Variants in PBRM1 observed in about 807,000 individuals in gnomAD.
The protein encoded by PBRM1 is protein polybromo-1.
PBRM1 carries 27 observed loss-of-function variants against 194.5 expected under a neutral mutation model. That is an observed-to-expected ratio of 0.14 (90% CI 0.10 to 0.19). The LOEUF is 0.19. Ranked by LOEUF, PBRM1 falls within the 10% of genes least tolerant of loss-of-function variation. The pLI is 1.00. For synonymous variants in PBRM1, 655 were observed against 693.2 expected (o/e 0.94, Z 0.87); for missense variants, 1,466 against 2,077.2 (o/e 0.71, Z 5.72).
intron 10 of PBRM1, among the ~76,000 whole-genome samples, chr3:52,638,112 A>G (rs1029064070): frequency 1.3e-5 from 2 of 152,122 alleles, no homozygotes; most frequent in Non-Finnish European, 2.9e-5. Context: ...TGTGGTAAAG[A>G]TTACTTTTAT....
exon 1 of PBRM1, chr3:52,685,830 T>C: frequency 2.1e-6 from 1 of 465,140 alleles, no homozygotes; most frequent in Middle Eastern, 5.8e-4. Context: ...CTGCTGCTAT[T>C]GCTCCTCCGG....
rs1185344323 is a variant in PBRM1 at position 52,582,946 on chromosome 3, A to G, written c.3387+3479T>C. 4.6e-5 allele frequency among the ~76,000 whole-genome samples: 7 copies of G among 150,994 alleles called. No homozygotes were observed. The East Asian group carries it at 1.4e-3, about 30-fold the overall frequency. On this transcript the variant is annotated intron_variant, in intron 20 of 29. Coordinates refer to ENST00000296302, the Ensembl canonical transcript of PBRM1. ...CCCCGTCTCTACTAAAAATACAAAA[A>G]ATTAGACGGGCGTGGTGGTGAGCGC...
intron 5 of PBRM1, among the ~76,000 whole-genome samples, chr3:52,656,682 T>TA (rs1160394301): frequency 6.6e-6 from 1 of 152,082 alleles, no homozygotes; most frequent in Non-Finnish European, 1.5e-5. Flanking sequence ...AATAAATAAA[T>TA]AAAAAAGATT....
intron 20 of PBRM1, among the ~76,000 whole-genome samples, chr3:52,581,387 G>C (rs900951339): frequency 1.3e-5 from 2 of 151,898 alleles, no homozygotes; most frequent in Admixed American, 6.6e-5. Flanking sequence ...GTGCGCGCCT[G>C]TAGTCCCAGG....
downstream of PBRM1, chr3:52,547,970 C>G (rs1410769421): frequency 2.9e-6 from 3 of 1,027,844 alleles, no homozygotes; most frequent in Admixed American, 7.6e-5. Context: ...AAAAATTATC[C>G]TCCTTTGTTC....
upstream of PBRM1, among the ~76,000 whole-genome samples, chr3:52,684,695 T>C (rs1422441371): frequency 1.3e-5 from 2 of 152,228 alleles, no homozygotes; most frequent in Non-Finnish European, 2.9e-5. Context: ...GATGACTTGA[T>C]AGTAATCTAT....
At position 52,674,063 on chromosome 3, in the gene PBRM1, T is replaced by C. The variant is rs376626196; in HGVS notation, c.236+4437A>G. Among the ~76,000 whole-genome samples, 14 of 150,782 alleles carry C rather than the reference T, an allele frequency of 9.3e-5. No individual in the cohort carries two copies. In the East Asian group the frequency reaches 2.5e-3, roughly 27 times the overall value. On this transcript the variant is annotated intron_variant, in intron 2 of 29. Coordinates refer to ENST00000296302, the Ensembl canonical transcript of PBRM1. ...AAGACACTGTCTCAAAAAAAAAATA[T>C]ATATATAGATATATATATAGAATGC...
At position 52,603,736 on chromosome 3, in the gene PBRM1, T is replaced by A. The variant is rs772644862; in HGVS notation, c.2568-4A>T. The A allele has an allele frequency of 6.2e-7, 1 of 1,602,002 alleles. No homozygotes were observed. Among genetic ancestry groups the A allele is most frequent in the Non-Finnish European group, 8.5e-7 (1 of 1,172,966 alleles). On this transcript the variant is annotated splice_region_variant and splice_polypyrimidine_tract_variant and intron_variant, in intron 16 of 29. Transcript: ENST00000296302. ...TTCATATATTTCTGAATCTGTCCTA[T>A]AACAGCATCAAGAGTATCCATTGAC... is the stretch of plus-strand genomic sequence containing the variant.
At chr3:52,642,624 A>C (rs1384664006) in intron 9 of PBRM1, among the ~76,000 whole-genome samples, 3 of 151,486 alleles carry the variant, frequency 2.0e-5, no homozygotes, top group Non-Finnish European at 4.4e-5. Context: ...AAAAAAAAAA[A>C]AAAACCAAAA....
At chr3:52,587,436 C>G (rs1469145695) in exon 19 of PBRM1, 1 of 1,611,262 alleles carries the variant, frequency 6.2e-7, no homozygotes, top group Admixed American at 1.7e-5. Flanking sequence ...ACTTCTTTTT[C>G]TAGAAATTTT....
At chr3:52,634,085 T>A (rs1398987609) in intron 11 of PBRM1, among the ~76,000 whole-genome samples, 1 of 152,158 alleles carries the variant, frequency 6.6e-6, no homozygotes, top group African/African-American at 2.4e-5. Context: ...CTGTCATAAT[T>A]AAAATATTAA....
chr3:52,578,507 C>T (rs1439837312), intron 21 of PBRM1, among the ~76,000 whole-genome samples: 2 of 152,194 alleles, frequency 1.3e-5, no homozygotes, highest in African/African-American at 2.4e-5. Flanking sequence ...CTATCCTCTC[C>T]TACCCAACCC....
intron 27 of PBRM1, among the ~76,000 whole-genome samples, chr3:52,553,283 T>C (rs557228837): frequency 1.3e-5 from 2 of 152,330 alleles, no homozygotes; most frequent in East Asian, 3.9e-4. Context: ...GCAATTAATA[T>C]GGGAACATGT....
At chr3:52,668,569 C>G in exon 3 of PBRM1, 1 of 1,606,922 alleles carries the variant, frequency 6.2e-7, no homozygotes, top group Non-Finnish European at 8.5e-7. Context: ...TCATCATACT[C>G]TTCCATTTTT....
At chr3:52,658,178 G>C in intron 5 of PBRM1, 21 bp downstream of exon 6, 1 of 1,119,938 alleles carries the variant, frequency 8.9e-7, no homozygotes. Context: ...ACATGTACCT[G>C]TTTTTAACTG....
At chr3:52,568,206 T>C (rs569788007) in intron 22 of PBRM1, among the ~76,000 whole-genome samples, 1 of 152,298 alleles carries the variant, frequency 6.6e-6, no homozygotes, top group East Asian at 1.9e-4. Context: ...CTTCGACTCC[T>C]GACCTCAGGT....
chr3:52,622,475 T>C (rs60256157), intron 13 of PBRM1, among the ~76,000 whole-genome samples: 2,281 of 152,320 alleles, frequency 0.015, 20 homozygotes, highest in South Asian at 0.036. Context: ...GCTATCAAAA[T>C]AAGTATATTA....
chr3:52,604,017 G>C (rs769071412), intron 16 of PBRM1, among the ~76,000 whole-genome samples: 11 of 152,150 alleles, frequency 7.2e-5, no homozygotes, highest in Non-Finnish European at 8.8e-5. Context: ...TATGGCACAC[G>C]CATCAATCGA....
At chr3:52,619,173 C>T (rs562724340) in intron 13 of PBRM1, among the ~76,000 whole-genome samples, 3 of 152,284 alleles carry the variant, frequency 2.0e-5, no homozygotes, top group East Asian at 1.9e-4. Context: ...GGATTACAGG[C>T]GTGAGCCACT....
Sources: allele counts gnomAD v4.1 joint callset (sites outside exome capture counted in the v4.1 genomes callset), GRCh38; gene constraint gnomAD v4.1.1; transcripts MANE v1.5; gene names NCBI Gene and HGNC (gene_info 2026-07-23, HGNC 2026-07-21).